Variants in JARID2 observed in about 807,000 individuals in gnomAD.
The protein encoded by JARID2 is jumonji and AT-rich interaction domain containing 2.
Under a neutral mutation model 125.6 loss-of-function variants are expected in JARID2, and 21 were observed. The observed-to-expected ratio is 0.17, with a 90% confidence interval of 0.12 to 0.24. The LOEUF is 0.24. Ranked by LOEUF, JARID2 falls within the 10% of genes least tolerant of loss-of-function variation. The pLI is 1.00. For missense variants in JARID2, 1,303 were observed against 1,639.6 expected (o/e 0.79, Z 3.55); for synonymous variants, 736 against 661.6 (o/e 1.11, Z -1.73).
intron 2 of JARID2, among the ~76,000 whole-genome samples, chr6:15,399,061 G>A (rs1218008017): frequency 6.6e-6 from 1 of 152,180 alleles, no homozygotes; most frequent in African/African-American, 2.4e-5. Flanking sequence ...TCCCCCGAAT[G>A]TCCTTTAATT....
intron 4 of JARID2, among the ~76,000 whole-genome samples, chr6:15,462,647 C>T (rs576779838): frequency 1.3e-5 from 2 of 152,290 alleles, no homozygotes; most frequent in East Asian, 3.9e-4. Flanking sequence ...ACTCAGTGGG[C>T]CAGCCCCATG....
intron 2 of JARID2, among the ~76,000 whole-genome samples, chr6:15,395,320 G>A (rs1322973395): frequency 1.3e-5 from 2 of 152,124 alleles, no homozygotes; most frequent in Non-Finnish European, 1.5e-5. Context: ...GGGGCACGGA[G>A]TTTTTGCTCT....
At chr6:15,280,292 G>A (rs1330251105) in intron 1 of JARID2, among the ~76,000 whole-genome samples, 1 of 151,900 alleles carries the variant, frequency 6.6e-6, no homozygotes, top group African/African-American at 2.4e-5. Context: ...CTCTAAATTC[G>A]TTCGAGTTAA....
chr6:15,427,279 G>T (rs1449384239), intron 3 of JARID2, among the ~76,000 whole-genome samples: 1 of 152,180 alleles, frequency 6.6e-6, no homozygotes, highest in Non-Finnish European at 1.5e-5. Flanking sequence ...TGCATCCTCT[G>T]CAGGTTTAGA....
At chr6:15,263,817 T>A (rs1020562736) in intron 1 of JARID2, among the ~76,000 whole-genome samples, 2 of 152,158 alleles carry the variant, frequency 1.3e-5, no homozygotes, top group Non-Finnish European at 2.9e-5. Flanking sequence ...GGTCTCAAAC[T>A]CCTGACCTCA....
chr6:15,266,502 G>A (rs1365724564), intron 1 of JARID2, among the ~76,000 whole-genome samples: 1 of 152,188 alleles, frequency 6.6e-6, no homozygotes, highest in Non-Finnish European at 1.5e-5. Context: ...TAAGGAAACA[G>A]CAGTTTCATG....
intron 1 of JARID2, among the ~76,000 whole-genome samples, chr6:15,276,013 A>G (rs1380695433): frequency 1.3e-5 from 2 of 152,210 alleles, no homozygotes; most frequent in Admixed American, 1.3e-4. Context: ...AGCAGCTTGT[A>G]GGAGAAAAAG....
chr6:15,317,965 T>C (rs1399234040), intron 1 of JARID2, among the ~76,000 whole-genome samples: 1 of 152,126 alleles, frequency 6.6e-6, no homozygotes, highest in Non-Finnish European at 1.5e-5. Context: ...GGATGGACAG[T>C]GAGGTAGAGG....
At chr6:15,455,586 C>T (rs1404549858) in intron 4 of JARID2, among the ~76,000 whole-genome samples, 8 of 152,328 alleles carry the variant, frequency 5.3e-5, no homozygotes, top group Admixed American at 4.6e-4. Context: ...GGCTGGAGTG[C>T]AACAGCGCGA....
intron 1 of JARID2, among the ~76,000 whole-genome samples, chr6:15,358,224 C>T (rs1251155684): frequency 6.6e-6 from 1 of 152,154 alleles, no homozygotes; most frequent in African/African-American, 2.4e-5. Context: ...TTTACTATTT[C>T]TGCTTATAAG....
At chr6:15,328,234 A>G (rs1259466821) in intron 1 of JARID2, among the ~76,000 whole-genome samples, 1 of 152,168 alleles carries the variant, frequency 6.6e-6, no homozygotes, top group Non-Finnish European at 1.5e-5. Context: ...AGTCACCTGT[A>G]TGGAATTCAG....
intron 1 of JARID2, among the ~76,000 whole-genome samples, chr6:15,253,585 G>C (rs12196030): frequency 0.35 from 52,755 of 151,762 alleles, 9,781 homozygotes; most frequent in South Asian, 0.48. Flanking sequence ...CGTGAGCAGC[G>C]ACTGGCAGCT....
chr6:15,420,398 A>AT (rs1423904128), intron 3 of JARID2, among the ~76,000 whole-genome samples: 16 of 113,754 alleles, frequency 1.4e-4, no homozygotes, highest in East Asian at 5.1e-4. Flanking sequence ...GCAAGACTCC[A>AT]TAAAAAAAAA....
At chr6:15,366,534 T>C (rs944693441) in intron 1 of JARID2, among the ~76,000 whole-genome samples, 3 of 21,098 alleles carry the variant, frequency 1.4e-4, no homozygotes, top group Non-Finnish European at 1.9e-4. Flanking sequence ...GGGTGGGGGG[T>C]GGGGTTGGCA....
chr6:15,452,236 A>T, intron 4 of JARID2, 61 bp downstream of exon 4: 1 of 1,585,588 alleles, frequency 6.3e-7, no homozygotes, highest in Non-Finnish European at 8.6e-7. Context: ...CCTGAGGTCT[A>T]CGTGGAGTAA....
At chr6:15,281,977 T>G (rs1760770940) in intron 1 of JARID2, among the ~76,000 whole-genome samples, 1 of 150,482 alleles carries the variant, frequency 6.6e-6, no homozygotes. Context: ...TGAGACAGAG[T>G]CTTGCTCAGT....
At chr6:15,420,359 C>T (rs531503414) in intron 3 of JARID2, among the ~76,000 whole-genome samples, 1 of 149,870 alleles carries the variant, frequency 6.7e-6, no homozygotes, top group South Asian at 2.1e-4. Context: ...GCCAAGATCA[C>T]ACCACTGCAC....
chr6:15,497,439 A>G (rs1013466024), intron 7 of JARID2, among the ~76,000 whole-genome samples: 4 of 152,084 alleles, frequency 2.6e-5, no homozygotes, highest in African/African-American at 9.7e-5. Flanking sequence ...AGGCGGGCAG[A>G]TCATGAGGTC....
intron 1 of JARID2, among the ~76,000 whole-genome samples, chr6:15,288,238 TGG>T (rs1372554576): frequency 6.7e-6 from 1 of 150,344 alleles, no homozygotes; most frequent in East Asian, 2.0e-4. Flanking sequence ...GGGAAGCCTC[TGG>T]GAGTTTTTGC....
Sources: gnomAD v4.1 joint callset for allele counts (sites outside exome capture counted in the v4.1 genomes callset) on GRCh38, gnomAD v4.1.1 for gene constraint, MANE v1.5 for transcripts, NCBI Gene and HGNC (gene_info 2026-07-23, HGNC 2026-07-21) for gene names.